Variants in PRKG1 observed in about 807,000 individuals in gnomAD.
PRKG1 encodes protein kinase cGMP-dependent 1, also known as cGMP-dependent protein kinase 1.
In PRKG1, 35 loss-of-function variants were observed where a neutral mutation model predicts 88.1. The observed-to-expected ratio is 0.40, with a 90% CI of 0.30 to 0.53. The LOEUF is 0.53. Ranked by LOEUF, PRKG1 falls within the 20% of genes least tolerant of loss-of-function variation. The pLI is 0.59. For synonymous variants in PRKG1, 303 were observed against 292.5 expected, an observed-to-expected ratio of 1.04 and a Z score of -0.37; for missense variants, 540 against 839.8, an observed-to-expected ratio of 0.64 and a Z score of 4.41.
At chr10:51,565,590 A>G (rs2132157247) in intron 3 of PRKG1, among the ~76,000 whole-genome samples, 1 of 152,218 alleles carries the variant, frequency 6.6e-6, no homozygotes, top group East Asian at 1.9e-4. Flanking sequence ...AATTAGCTGC[A>G]ATTTAAGTAT....
intron 11 of PRKG1, among the ~76,000 whole-genome samples, chr10:52,271,776 A>C (rs1200341302): frequency 3.9e-5 from 6 of 152,060 alleles, no homozygotes; most frequent in Non-Finnish European, 8.8e-5. Context: ...CTCTACATAG[A>C]CCTTTGATGC....
At chr10:51,857,093 G>T (rs181544717) in intron 4 of PRKG1, among the ~76,000 whole-genome samples, 20 of 151,858 alleles carry the variant, frequency 1.3e-4, no homozygotes, top group African/African-American at 4.6e-4. Flanking sequence ...TCACAATTAT[G>T]ATACAGTTTA....
At chr10:51,092,651 G>C (rs969247625) in intron 1 of PRKG1, among the ~76,000 whole-genome samples, 2 of 152,212 alleles carry the variant, frequency 1.3e-5, no homozygotes. Flanking sequence ...TTATTCAGCA[G>C]TGAAATGAGG....
chr10:51,656,826 A>C (rs1172345913), intron 3 of PRKG1, among the ~76,000 whole-genome samples: 1 of 152,112 alleles, frequency 6.6e-6, no homozygotes, highest in Non-Finnish European at 1.5e-5. Flanking sequence ...ACTCCTTATC[A>C]TTTGCCTTCA....
intron 4 of PRKG1, among the ~76,000 whole-genome samples, chr10:51,852,213 G>GTGTATATATATATATATATATATATATA (rs1554848714): frequency 1.5e-4 from 21 of 143,292 alleles, no homozygotes; most frequent in African/African-American, 5.5e-4. Flanking sequence ...TTTTATATGT[G>GTGTATATATATATATATATATATATATA]TATATATATA....
chr10:51,211,035 T>G (rs1838202910), intron 2 of PRKG1, among the ~76,000 whole-genome samples: 1 of 152,154 alleles, frequency 6.6e-6, no homozygotes, highest in Admixed American at 6.5e-5. Flanking sequence ...TAGACCAATA[T>G]CCTTGATGAA....
intron 2 of PRKG1, among the ~76,000 whole-genome samples, chr10:51,272,007 T>C (rs1038192558): frequency 6.6e-6 from 1 of 152,214 alleles, no homozygotes; most frequent in Non-Finnish European, 1.5e-5. Context: ...TCCTCCACAA[T>C]GGTTGAACAA....
At chr10:52,044,426 G>A (rs1845818400) in intron 5 of PRKG1, among the ~76,000 whole-genome samples, 1 of 151,996 alleles carries the variant, frequency 6.6e-6, no homozygotes, top group South Asian at 2.1e-4. Flanking sequence ...ACCTTTAAAA[G>A]GGAAATAATT....
At chr10:51,259,246 T>A (rs1839642262) in intron 2 of PRKG1, among the ~76,000 whole-genome samples, 1 of 152,210 alleles carries the variant, frequency 6.6e-6, no homozygotes, top group Non-Finnish European at 1.5e-5. Flanking sequence ...AAAGCTTTCA[T>A]GAGAATGAGG....
intron 5 of PRKG1, among the ~76,000 whole-genome samples, chr10:51,975,680 A>G (rs1843814824): frequency 6.6e-6 from 1 of 152,112 alleles, no homozygotes; most frequent in African/African-American, 2.4e-5. Context: ...ATAGTACTGT[A>G]TGCTAAAAGT....
intron 2 of PRKG1, among the ~76,000 whole-genome samples, chr10:51,239,070 ATT>A: frequency 6.6e-6 from 1 of 152,252 alleles, no homozygotes; most frequent in African/African-American, 2.4e-5. Context: ...AATAACTATG[ATT>A]TTGAAAACAT....
chr10:52,173,018 T>A (rs1343722518), intron 9 of PRKG1, among the ~76,000 whole-genome samples: 4 of 152,230 alleles, frequency 2.6e-5, no homozygotes, highest in Admixed American at 2.6e-4. Context: ...AACAAGGCAT[T>A]CTTTTGGAAT....
intron 2 of PRKG1, among the ~76,000 whole-genome samples, chr10:51,409,789 G>A (rs899394150): frequency 3.4e-5 from 5 of 145,784 alleles, no homozygotes; most frequent in African/African-American, 1.3e-4. Context: ...AGGAGGTGGA[G>A]GTTGCAGTGA....
intron 2 of PRKG1, among the ~76,000 whole-genome samples, chr10:51,442,921 G>A (rs1839163264): frequency 6.6e-6 from 1 of 151,988 alleles, no homozygotes; most frequent in Non-Finnish European, 1.5e-5. Flanking sequence ...GTTTCAGTCA[G>A]ATGGCAACTA....
chr10:51,046,235 A>G (rs1327063018), intron 1 of PRKG1, among the ~76,000 whole-genome samples: 1 of 152,238 alleles, frequency 6.6e-6, no homozygotes, highest in East Asian at 1.9e-4. Flanking sequence ...TAACCAACCA[A>G]GTAAGTACAT....
intron 9 of PRKG1, among the ~76,000 whole-genome samples, chr10:52,162,604 G>A (rs1324453583): frequency 6.6e-6 from 1 of 151,808 alleles, no homozygotes; most frequent in Non-Finnish European, 1.5e-5. Flanking sequence ...ATAGCATATA[G>A]CATACCTAAA....
At chr10:51,759,253 G>GTCTT (rs1177767045) in intron 3 of PRKG1, among the ~76,000 whole-genome samples, 4 of 151,812 alleles carry the variant, frequency 2.6e-5, no homozygotes, top group Admixed American at 6.6e-5. Flanking sequence ...TTGGTTCTAG[G>GTCTT]TCTTTGAGGA....
intron 3 of PRKG1, among the ~76,000 whole-genome samples, chr10:51,580,353 AT>A (rs2132184885): frequency 6.6e-6 from 1 of 152,262 alleles, no homozygotes; most frequent in South Asian, 2.1e-4. Context: ...TACAATTATT[AT>A]TCTTGCATGG....
chr10:51,159,663 G>A (rs376897563), intron 2 of PRKG1, among the ~76,000 whole-genome samples: 48 of 152,212 alleles, frequency 3.2e-4, no homozygotes, highest in African/African-American at 9.1e-4. Context: ...GTGGGGTATC[G>A]TGTTCATTTT....
Sources: gnomAD v4.1 joint callset for allele counts (sites outside exome capture counted in the v4.1 genomes callset) on GRCh38, gnomAD v4.1.1 for gene constraint, MANE v1.5 for transcripts, NCBI Gene and HGNC (gene_info 2026-07-23, HGNC 2026-07-21) for gene names.